Variants in PCDH7 observed in about 807,000 individuals in gnomAD.
The protein encoded by PCDH7 is protocadherin 7.
A neutral mutation model predicts 58.9 loss-of-function variants in PCDH7; 17 were observed. The ratio of observed to expected loss-of-function variants is 0.29; its 90% CI spans 0.20 to 0.43. PCDH7 has a LOEUF of 0.43. Ranked by LOEUF, PCDH7 falls within the 20% of genes least tolerant of loss-of-function variation. PCDH7 has a pLI of 1.00. For missense variants in PCDH7, 1,274 were observed against 1,441.0 expected, an observed-to-expected ratio of 0.88 and a Z score of 1.88; for synonymous variants, 664 against 616.4, an observed-to-expected ratio of 1.08 and a Z score of -1.14.
chr4:31,040,149 G>A (rs1755733696), intron 3 of PCDH7, among the ~76,000 whole-genome samples: 1 of 152,174 alleles, frequency 6.6e-6, no homozygotes, highest in Non-Finnish European at 1.5e-5. Flanking sequence ...GTATACTGCA[G>A]TGTGTCTTGA....
chr4:30,753,988 G>T (rs1718923024), intron 1 of PCDH7, among the ~76,000 whole-genome samples: 1 of 152,074 alleles, frequency 6.6e-6, no homozygotes, highest in Non-Finnish European at 1.5e-5. Flanking sequence ...GAAACTACCA[G>T]ACATAACAGC....
downstream of PCDH7, among the ~76,000 whole-genome samples, chr4:30,736,752 G>A (rs1422112255): frequency 6.6e-6 from 1 of 151,802 alleles, no homozygotes; most frequent in Non-Finnish European, 1.5e-5. Flanking sequence ...CAGCCAGGAT[G>A]GTCTCGATAT....
chr4:31,141,274 G>A (rs1009101876), intron 3 of PCDH7, among the ~76,000 whole-genome samples: 1 of 152,196 alleles, frequency 6.6e-6, no homozygotes, highest in Non-Finnish European at 1.5e-5. Context: ...TCCACTGGTT[G>A]CAAATATATT....
At chr4:30,789,859 CCT>C (rs1231853319) in intron 1 of PCDH7, among the ~76,000 whole-genome samples, 4 of 152,100 alleles carry the variant, frequency 2.6e-5, no homozygotes, top group African/African-American at 7.2e-5. Context: ...CTTATGTCCC[CCT>C]GTTTCTAAAT....
At chr4:30,769,126 A>G (rs1721090407) in intron 1 of PCDH7, among the ~76,000 whole-genome samples, 1 of 152,224 alleles carries the variant, frequency 6.6e-6, no homozygotes, top group South Asian at 2.1e-4. Flanking sequence ...CCAACATAGA[A>G]GTAGAGTTTG....
intron 1 of PCDH7, among the ~76,000 whole-genome samples, chr4:30,881,776 A>G (rs533781278): frequency 6.6e-6 from 1 of 152,168 alleles, no homozygotes; most frequent in African/African-American, 2.4e-5. Flanking sequence ...TTCCACCTTC[A>G]CATTTTTAGC....
intron 3 of PCDH7, among the ~76,000 whole-genome samples, chr4:31,084,060 A>G (rs1035070114): frequency 4.6e-5 from 7 of 152,232 alleles, no homozygotes; most frequent in African/African-American, 1.7e-4. Flanking sequence ...AAGAATACCT[A>G]TTATTCAGTA....
In PCDH7 at chr4:30,998,347, A is replaced by C. The variant is rs527978815; in HGVS notation, c.*7+48132A>C. 5.9e-5 allele frequency among the ~76,000 whole-genome samples: 9 copies of C among 152,264 alleles called. No individual in the cohort carries two copies. The East Asian group carries it at 1.7e-3, about 29-fold the overall frequency. On this transcript the variant is annotated intron_variant, in intron 3 of 3. Coordinates refer to the PCDH7 transcript ENST00000509759. ...ATAACTTTCTCAGATTTCTGTTTGT[A>C]CTTATTAAAATGGTACAAGATAAGT...
intron 3 of PCDH7, among the ~76,000 whole-genome samples, chr4:31,082,634 AT>A (rs1711649635): frequency 1.3e-5 from 2 of 152,192 alleles, no homozygotes. Context: ...AGCAACTTGG[AT>A]GGAGCTGGAG....
chr4:30,773,804 C>T (rs866956126), intron 1 of PCDH7, among the ~76,000 whole-genome samples: 1 of 152,090 alleles, frequency 6.6e-6, no homozygotes, highest in Admixed American at 6.5e-5. Flanking sequence ...ATTCCCTTCC[C>T]AAAGATTTTT....
intron 3 of PCDH7, among the ~76,000 whole-genome samples, chr4:31,048,200 A>G (rs1282501756): frequency 6.6e-6 from 1 of 152,102 alleles, no homozygotes. Flanking sequence ...AAATGCTGTT[A>G]AATGACAAGA....
At chr4:30,746,170 T>G (rs1717754537) in intron 1 of PCDH7, among the ~76,000 whole-genome samples, 1 of 152,192 alleles carries the variant, frequency 6.6e-6, no homozygotes, top group Non-Finnish European at 1.5e-5. Flanking sequence ...AATTCAAGGT[T>G]TGAAAGACTC....
chr4:30,752,543 T>G (rs1415034148), intron 1 of PCDH7, among the ~76,000 whole-genome samples: 1 of 151,974 alleles, frequency 6.6e-6, no homozygotes, highest in Non-Finnish European at 1.5e-5. Flanking sequence ...TTTCTACTTC[T>G]CAAAATAATA....
intron 1 of PCDH7, 139 bp downstream of exon 1, chr4:30,724,735 C>T: frequency 2.1e-6 from 3 of 1,448,122 alleles, no homozygotes; most frequent in South Asian, 1.5e-5. Context: ...TTAATTTTTG[C>T]ACCATTAATT....
At chr4:30,878,500 G>A (rs974508455) in intron 1 of PCDH7, among the ~76,000 whole-genome samples, 1 of 152,072 alleles carries the variant, frequency 6.6e-6, no homozygotes, top group Non-Finnish European at 1.5e-5. Flanking sequence ...TTTGAATAAC[G>A]TGATGCAAAA....
intron 3 of PCDH7, among the ~76,000 whole-genome samples, chr4:30,959,532 A>T (rs1285802538): frequency 1.3e-5 from 2 of 152,168 alleles, no homozygotes; most frequent in Non-Finnish European, 2.9e-5. Flanking sequence ...TATGGATTTT[A>T]CTTTGACATG....
At chr4:30,970,428 G>A (rs1190708448) in intron 3 of PCDH7, among the ~76,000 whole-genome samples, 1 of 151,936 alleles carries the variant, frequency 6.6e-6, no homozygotes, top group Non-Finnish European at 1.5e-5. Context: ...CCCAGTAGCT[G>A]GGACCACAGG....
intron 1 of PCDH7, among the ~76,000 whole-genome samples, chr4:30,759,426 A>C (rs1250461828): frequency 1.3e-5 from 2 of 152,200 alleles, no homozygotes; most frequent in Non-Finnish European, 2.9e-5. Flanking sequence ...ATCGGCTTTC[A>C]GGAAATTCTG....
chr4:30,859,679 A>T (rs1247957878), intron 1 of PCDH7, among the ~76,000 whole-genome samples: 1 of 152,052 alleles, frequency 6.6e-6, no homozygotes, highest in Non-Finnish European at 1.5e-5. Context: ...ACCTCAAGTG[A>T]TCCACCAGCC....
Sources: gnomAD v4.1 joint callset for allele counts (sites outside exome capture counted in the v4.1 genomes callset) on GRCh38, gnomAD v4.1.1 for gene constraint, MANE v1.5 for transcripts, NCBI Gene and HGNC (gene_info 2026-07-23, HGNC 2026-07-21) for gene names.